SEMA6D: variants seen among roughly 807,000 people sequenced by gnomAD.
SEMA6D encodes semaphorin 6D.
SEMA6D carries 35 observed loss-of-function variants against 106.6 expected under a neutral mutation model. The observed-to-expected ratio is 0.33, with a 90% CI of 0.25 to 0.44. The LOEUF (loss-of-function observed/expected upper bound fraction) is 0.44, where lower values mean the gene tolerates loss of function less well. SEMA6D is among the 20% of genes least tolerant of loss of function. SEMA6D has a pLI of 1.00. For missense variants in SEMA6D, 1,185 were observed against 1,345.9 expected, an observed-to-expected ratio of 0.88 and a Z score of 1.87; for synonymous variants, 499 against 487.7, an observed-to-expected ratio of 1.02 and a Z score of -0.31.
At chr15:47,508,042 A>G (rs1435765) in intron 3 of SEMA6D, among the ~76,000 whole-genome samples, 1,788 of 152,306 alleles carry the variant, frequency 0.012, 37 homozygotes, top group African/African-American at 0.042. Context: ...TGCCTATGAA[A>G]TGACAGAAAA....
intron 1 of SEMA6D, among the ~76,000 whole-genome samples, chr15:47,404,147 T>C (rs1006273881): frequency 2.0e-5 from 3 of 152,134 alleles, no homozygotes; most frequent in African/African-American, 7.2e-5. Flanking sequence ...GGGGATATCA[T>C]TTGGAAAATC....
chr15:47,303,852 T>C (rs2036117607), intron 1 of SEMA6D, among the ~76,000 whole-genome samples: 1 of 152,160 alleles, frequency 6.6e-6, no homozygotes, highest in Non-Finnish European at 1.5e-5. Flanking sequence ...AATGAGGCTC[T>C]GAACTGTGCT....
intron 2 of SEMA6D, among the ~76,000 whole-genome samples, chr15:47,432,267 TAAG>T (rs988438842): frequency 6.6e-6 from 1 of 152,032 alleles, no homozygotes; most frequent in Non-Finnish European, 1.5e-5. Flanking sequence ...AACATAGAGA[TAAG>T]AAGAGAGAGT....
In SEMA6D at chr15:47,417,490, A is replaced by G. The variant is rs557615819; in HGVS notation, c.-159+5018A>G. ...CAATGTCTGAGAAAGTAGAGTTATC[A>G]AAAGTAAAACTTTCAGAGGTTGCCT... On this transcript the variant is annotated intron_variant, in intron 2 of 19. Transcript: ENST00000558014. Among the ~76,000 whole-genome samples, 8 of 152,072 alleles carry G rather than the reference A, an allele frequency of 5.3e-5. No individual in the cohort carries two copies. The East Asian group carries it at 1.4e-3, about 26-fold the overall frequency.
intron 1 of SEMA6D, among the ~76,000 whole-genome samples, chr15:47,743,390 T>C (rs534947622): frequency 2.6e-5 from 4 of 152,340 alleles, no homozygotes; most frequent in Admixed American, 2.6e-4. Flanking sequence ...ATGTTTTTTT[T>C]TTCTTGAGAA....
chr15:47,582,457 T>C (rs4603502), intron 3 of SEMA6D, among the ~76,000 whole-genome samples: 38,892 of 152,148 alleles, frequency 0.26, 5,693 homozygotes, highest in East Asian at 0.46. Context: ...ACAGGGTAAA[T>C]GCCTCAGCAA....
intron 3 of SEMA6D, among the ~76,000 whole-genome samples, chr15:47,523,403 G>A (rs2044650353): frequency 6.6e-6 from 1 of 152,022 alleles, no homozygotes; most frequent in Non-Finnish European, 1.5e-5. Context: ...TGAATCAAAG[G>A]CTGGGAAGGA....
intron 1 of SEMA6D, among the ~76,000 whole-genome samples, chr15:47,746,989 T>C (rs1567066415): frequency 6.7e-6 from 1 of 148,346 alleles, no homozygotes; most frequent in Non-Finnish European, 1.5e-5. Flanking sequence ...TGTGTGTATA[T>C]ATATATATAT....
At chr15:47,360,113 A>G (rs2038746851) in intron 1 of SEMA6D, 1 of 152,072 alleles carries the variant, frequency 6.6e-6, no homozygotes, top group Non-Finnish European at 1.5e-5. Context: ...AAATAATGTG[A>G]CACAGTTAGC....
chr15:47,642,688 A>G (rs985963384), intron 4 of SEMA6D, among the ~76,000 whole-genome samples: 3 of 152,164 alleles, frequency 2.0e-5, no homozygotes, highest in Non-Finnish European at 4.4e-5. Flanking sequence ...GTTGTGGAGC[A>G]GCAAGAGAGG....
intron 1 of SEMA6D, among the ~76,000 whole-genome samples, chr15:47,237,395 T>C (rs1437361872): frequency 6.6e-6 from 1 of 152,122 alleles, no homozygotes; most frequent in Non-Finnish European, 1.5e-5. Flanking sequence ...TTTTGCCACG[T>C]TGGAAATGAG....
rs147766974 is a variant in SEMA6D at position 47,299,384 on chromosome 15, A to G, written c.-238-113009A>G. ...GCCTCACAGCACATAACCTTCGAAGACTGTTTTTATCTAAATTAAAACAAA... is the reference window on the plus strand; with the variant it reads ...GCCTCACAGCACATAACCTTCGAAGGCTGTTTTTATCTAAATTAAAACAAA... On this transcript the variant is annotated intron_variant, in intron 1 of 19. Coordinates refer to the SEMA6D transcript ENST00000558014. Among the ~76,000 whole-genome samples, 881 of 152,278 alleles carry G rather than the reference A, an allele frequency of 5.8e-3. 14 individuals carry two copies. Among genetic ancestry groups the G allele is most frequent in the African/African-American group, 0.02 (836 of 41,548 alleles).
intron 4 of SEMA6D, among the ~76,000 whole-genome samples, chr15:47,700,366 A>G (rs1213537045): frequency 6.6e-6 from 1 of 152,066 alleles, no homozygotes; most frequent in Non-Finnish European, 1.5e-5. Flanking sequence ...TCTCTACAAA[A>G]TATTTTTTAA....
At chr15:47,682,998 C>T (rs371591037) in intron 4 of SEMA6D, among the ~76,000 whole-genome samples, 58 of 152,330 alleles carry the variant, frequency 3.8e-4, no homozygotes, top group African/African-American at 1.3e-3. Context: ...GTTTAATTCT[C>T]ATGGCTGCAT....
At chr15:47,322,362 C>G (rs1226972538) in intron 1 of SEMA6D, among the ~76,000 whole-genome samples, 2 of 151,414 alleles carry the variant, frequency 1.3e-5, no homozygotes, top group Non-Finnish European at 2.9e-5. Flanking sequence ...TTAGTCTGTC[C>G]CAATAATTTG....
chr15:47,650,452 A>G (rs1173175385), intron 4 of SEMA6D, among the ~76,000 whole-genome samples: 3 of 152,236 alleles, frequency 2.0e-5, no homozygotes, highest in Admixed American at 6.5e-5. Flanking sequence ...AAGATGCTCT[A>G]TATAAATACT....
intron 1 of SEMA6D, chr15:47,339,333 G>A (rs2037712147): frequency 6.6e-6 from 1 of 152,192 alleles, no homozygotes; most frequent in African/African-American, 2.4e-5. Context: ...CTGGTATCTG[G>A]TGGGGAGGGG....
At chr15:47,571,725 A>G (rs886204022) in intron 3 of SEMA6D, among the ~76,000 whole-genome samples, 3 of 152,214 alleles carry the variant, frequency 2.0e-5, no homozygotes, top group African/African-American at 7.2e-5. Flanking sequence ...AACCACAAAT[A>G]TTAAGGTTTT....
intron 4 of SEMA6D, among the ~76,000 whole-genome samples, chr15:47,628,490 A>G (rs2077240460): frequency 6.6e-6 from 1 of 151,926 alleles, no homozygotes; most frequent in Non-Finnish European, 1.5e-5. Flanking sequence ...CGTAATTTTT[A>G]TTTGTATTTC....
Sources: gnomAD v4.1 joint callset for allele counts (sites outside exome capture counted in the v4.1 genomes callset) on GRCh38, gnomAD v4.1.1 for gene constraint, MANE v1.5 for transcripts, NCBI Gene and HGNC (gene_info 2026-07-23, HGNC 2026-07-21) for gene names.